The following CAMK4 variants were observed in gnomAD, a reference collection of about 807,000 sequenced individuals.
CAMK4 encodes the protein calcium/calmodulin dependent protein kinase IV, also known as calcium/calmodulin-dependent protein kinase type IV.
CAMK4 carries 22 observed loss-of-function variants against 44.9 expected under a neutral mutation model. That is an observed-to-expected ratio of 0.49 (90% CI 0.35 to 0.70). CAMK4 has a LOEUF of 0.70. CAMK4 is among the 30% of genes least tolerant of loss of function. The probability of loss-of-function intolerance (pLI) is 0.01; values close to 1 mark genes in which losing one functional copy is unlikely to be tolerated. For synonymous variants in CAMK4, 218 were observed against 215.4 expected (o/e 1.01, Z -0.11); for missense variants, 498 against 586.8 (o/e 0.85, Z 1.56).
chr5:111,260,187 TG>T (rs1173547784), intron 1 of CAMK4, among the ~76,000 whole-genome samples: 2 of 152,186 alleles, frequency 1.3e-5, no homozygotes, highest in African/African-American at 4.8e-5. Flanking sequence ...CTTGACTGTC[TG>T]GGTCAATCTT....
chr5:111,259,852 G>T (rs1241600278), intron 1 of CAMK4, among the ~76,000 whole-genome samples: 1 of 152,110 alleles, frequency 6.6e-6, no homozygotes, highest in Non-Finnish European at 1.5e-5. Context: ...CAACCTGACA[G>T]GTTCTGGGAG....
At chr5:111,280,417 G>C (rs1750962102) in intron 1 of CAMK4, among the ~76,000 whole-genome samples, 1 of 152,172 alleles carries the variant, frequency 6.6e-6, no homozygotes, top group African/African-American at 2.4e-5. Context: ...AACTCTTCCA[G>C]TTACATAACC....
At chr5:111,414,221 G>T (rs982995118) in intron 5 of CAMK4, among the ~76,000 whole-genome samples, 1 of 152,136 alleles carries the variant, frequency 6.6e-6, no homozygotes, top group Non-Finnish European at 1.5e-5. Flanking sequence ...TACTCCCAAA[G>T]CACAGAGTAT....
chr5:111,323,656 T>C (rs912786849), intron 1 of CAMK4, among the ~76,000 whole-genome samples: 1 of 152,070 alleles, frequency 6.6e-6, no homozygotes, highest in African/African-American at 2.4e-5. Flanking sequence ...ATTGTATATC[T>C]TGTTAAAATA....
intron 1 of CAMK4, among the ~76,000 whole-genome samples, chr5:111,286,803 T>C (rs193167427): frequency 6.6e-5 from 10 of 152,154 alleles, no homozygotes; most frequent in African/African-American, 2.2e-4. Context: ...AACTGATGCA[T>C]GTTAGAAAGA....
chr5:111,224,707 C>A lies in CAMK4; in HGVS notation c.161+63C>A. ...GCACTGGGGGTTGTCCCTCTCGCAG[C>A]GACGGCTCGGAGGGTGCGGGAGCCT... On this transcript the variant is annotated intron_variant, in intron 1 of 10. Transcript: ENST00000282356. The surrounding 1 kb of genome is among the most constrained non-coding windows in gnomAD (Gnocchi z 5.7). The A allele has an allele frequency of 1.3e-6, 2 of 1,512,306 alleles. No individual in the cohort carries two copies. The highest frequency in any genetic ancestry group is 2.4e-5 in the South Asian group (2 of 82,184). The allele number at this position is 1,512,306 out of a possible 1,614,324, so 93.7% of individuals were successfully genotyped here. A position where few individuals can be genotyped will look rare whatever the true frequency, so the allele number is the denominator to read the frequency against.
intron 5 of CAMK4, among the ~76,000 whole-genome samples, chr5:111,408,023 C>A (rs752828951): frequency 4.6e-5 from 7 of 152,020 alleles, no homozygotes; most frequent in African/African-American, 1.4e-4. Flanking sequence ...GCAGGAGAAT[C>A]GCTTGAACCT....
At chr5:111,339,754 T>C (rs1166858509) in intron 1 of CAMK4, among the ~76,000 whole-genome samples, 1 of 151,326 alleles carries the variant, frequency 6.6e-6, no homozygotes, top group Non-Finnish European at 1.5e-5. Flanking sequence ...TTTTTACTTG[T>C]GTGAACAATG....
chr5:111,330,990 A>G (rs1749143681), intron 1 of CAMK4, among the ~76,000 whole-genome samples: 1 of 151,822 alleles, frequency 6.6e-6, no homozygotes, highest in Non-Finnish European at 1.5e-5. Context: ...CATATACATA[A>G]ACATAAAAGT....
chr5:111,261,839 A>G (rs1335047295), intron 1 of CAMK4, among the ~76,000 whole-genome samples: 1 of 152,064 alleles, frequency 6.6e-6, no homozygotes, highest in Non-Finnish European at 1.5e-5. Flanking sequence ...GGGCTGGGAT[A>G]TGTGCCAATC....
At chr5:111,328,922 G>T (rs1455237069) in intron 1 of CAMK4, among the ~76,000 whole-genome samples, 1 of 151,948 alleles carries the variant, frequency 6.6e-6, no homozygotes, top group Non-Finnish European at 1.5e-5. Flanking sequence ...CTGAGACGAT[G>T]GGGTTTTGTA....
chr5:111,416,209 A>G (rs1752808035), intron 5 of CAMK4, among the ~76,000 whole-genome samples: 1 of 152,142 alleles, frequency 6.6e-6, no homozygotes, highest in Admixed American at 6.6e-5. Flanking sequence ...AAGTAACTAT[A>G]AACTATGCAT....
chr5:111,440,674 A>G (rs1753791968), intron 5 of CAMK4, among the ~76,000 whole-genome samples: 1 of 130,668 alleles, frequency 7.7e-6, no homozygotes, highest in Non-Finnish European at 1.9e-5. Context: ...AAAGCCAGGT[A>G]GAGGAAGGAA....
At chr5:111,288,463 C>T (rs1369213905) in intron 1 of CAMK4, among the ~76,000 whole-genome samples, 1 of 152,144 alleles carries the variant, frequency 6.6e-6, no homozygotes, top group East Asian at 1.9e-4. Context: ...ACATCTTTGC[C>T]ATATCACACT....
chr5:111,394,206 G>A (rs1751913468), intron 4 of CAMK4, among the ~76,000 whole-genome samples: 1 of 152,118 alleles, frequency 6.6e-6, no homozygotes, highest in African/African-American at 2.4e-5. Context: ...TTATAGGTAT[G>A]ATATTGGAAT....
intron 7 of CAMK4, among the ~76,000 whole-genome samples, chr5:111,455,621 C>G (rs934997918): frequency 2.0e-5 from 3 of 152,128 alleles, no homozygotes; most frequent in Non-Finnish European, 4.4e-5. Flanking sequence ...GTATTAAAAC[C>G]ACACATATAT....
At chr5:111,351,533 G>A (rs1400822112) in intron 2 of CAMK4, among the ~76,000 whole-genome samples, 1 of 151,236 alleles carries the variant, frequency 6.6e-6, no homozygotes, top group Admixed American at 6.6e-5. Context: ...AGCCTCCTTA[G>A]TAGCTGAGAT....
intron 4 of CAMK4, among the ~76,000 whole-genome samples, chr5:111,388,670 G>A (rs1400152974): frequency 6.6e-6 from 1 of 152,094 alleles, no homozygotes; most frequent in Non-Finnish European, 1.5e-5. Flanking sequence ...GTTGAATGTT[G>A]TCTGTCTACT....
intron 1 of CAMK4, among the ~76,000 whole-genome samples, chr5:111,277,809 T>C (rs996592661): frequency 3.9e-5 from 6 of 152,132 alleles, no homozygotes; most frequent in African/African-American, 1.4e-4. Flanking sequence ...GACCAAATGA[T>C]TTTATAAACT....
Sources: gnomAD v4.1 joint callset for allele counts (sites outside exome capture counted in the v4.1 genomes callset) on GRCh38, gnomAD v4.1.1 for gene constraint, Gnocchi (gnomAD v3.1) non-coding constraint, MANE v1.5 for transcripts, NCBI Gene and HGNC (gene_info 2026-07-23, HGNC 2026-07-21) for gene names.